CCM2: variants seen among roughly 807,000 people sequenced by gnomAD.
The protein encoded by CCM2 is cerebral cavernous malformations 2 protein.
In CCM2, 25 loss-of-function variants were observed where a neutral mutation model predicts 44.9. That is an observed-to-expected ratio of 0.56 (90% CI 0.41 to 0.78). CCM2 has a LOEUF of 0.78. Ranked by LOEUF, CCM2 falls within the 30% of genes least tolerant of loss-of-function variation. The pLI is 0.00. For missense variants in CCM2, 481 were observed against 580.6 expected, an observed-to-expected ratio of 0.83 and a Z score of 1.76; for synonymous variants, 219 against 241.1, an observed-to-expected ratio of 0.91 and a Z score of 0.85.
chr7:45,002,329 T>C (rs1290672277), intron 1 of CCM2, among the ~76,000 whole-genome samples: 2 of 152,214 alleles, frequency 1.3e-5, no homozygotes, highest in East Asian at 3.8e-4. Context: ...TCCAGCACTT[T>C]GGGAGGCCAA....
intron 2 of CCM2, among the ~76,000 whole-genome samples, chr7:45,044,146 C>A (rs913777860): frequency 6.6e-6 from 1 of 151,864 alleles, no homozygotes; most frequent in Non-Finnish European, 1.5e-5. Flanking sequence ...TGTTTTGTTT[C>A]GTTTTGGGAT....
chr7:45,018,068 A>T (rs1284294492), intron 1 of CCM2, among the ~76,000 whole-genome samples: 1 of 148,298 alleles, frequency 6.7e-6, no homozygotes, highest in African/African-American at 2.5e-5. Flanking sequence ...TGAAACTTCC[A>T]TATCAGATCA....
intron 8 of CCM2, chr7:45,074,048 A>G (rs1030413698): frequency 3.2e-5 from 29 of 907,468 alleles, no homozygotes; most frequent in Non-Finnish European, 4.4e-5. Flanking sequence ...CCAGCTCAGG[A>G]GAGTGGAGCT....
At chr7:45,008,401 G>A (rs1237283036) in intron 1 of CCM2, among the ~76,000 whole-genome samples, 2 of 122,172 alleles carry the variant, frequency 1.6e-5, no homozygotes, top group African/African-American at 6.8e-5. Flanking sequence ...TTTTGCTCTT[G>A]CCCAGGCTGG....
intron 2 of CCM2, among the ~76,000 whole-genome samples, chr7:45,058,416 C>G (rs1798364811): frequency 6.6e-6 from 1 of 151,394 alleles, no homozygotes; most frequent in Non-Finnish European, 1.5e-5. Flanking sequence ...TGTGCTGCAC[C>G]CATTAACTCA....
At chr7:45,054,260 T>C (rs1462225791) in intron 2 of CCM2, among the ~76,000 whole-genome samples, 3 of 151,978 alleles carry the variant, frequency 2.0e-5, no homozygotes, top group Admixed American at 1.3e-4. Flanking sequence ...GCAAGGAGTG[T>C]GTGGGGGGCT....
intron 1 of CCM2, among the ~76,000 whole-genome samples, chr7:45,013,135 A>C (rs945275069): frequency 6.6e-6 from 1 of 151,854 alleles, no homozygotes; most frequent in Non-Finnish European, 1.5e-5. Context: ...TAACTCCTCT[A>C]TATATTGCTA....
At chr7:45,038,545 A>G in intron 2 of CCM2, 119 bp downstream of exon 2, 4 of 1,010,946 alleles carry the variant, frequency 4.0e-6, no homozygotes, top group East Asian at 2.4e-5. Flanking sequence ...GTAGTTGATT[A>G]TCCCACCCAT....
At position 45,031,331 on chromosome 7, in the gene CCM2, G is replaced by A. The variant is rs552872326; in HGVS notation, c.31-6922G>A. ...CGGGAGGTGGAGGTTGCAGTGAGCC[G>A]AGATCACACCACTGTACTCCAGCCT... On this transcript the variant is annotated intron_variant, in intron 1 of 9. Coordinates refer to ENST00000258781, the MANE Select transcript of CCM2 (RefSeq NM_031443.4). Among the ~76,000 whole-genome samples the A allele has an allele frequency of 2.9e-4, 42 of 143,502 alleles. No individual in the cohort carries two copies. The South Asian group carries it at 8.5e-3, about 29-fold the overall frequency. 94.1% of individuals were successfully genotyped at this position (143,502 alleles called of 152,430 possible). A position where few individuals can be genotyped will look rare whatever the true frequency, so the allele number is the denominator to read the frequency against.
At chr7:45,007,689 A>T (rs1795900403) in intron 1 of CCM2, among the ~76,000 whole-genome samples, 1 of 152,120 alleles carries the variant, frequency 6.6e-6, no homozygotes, top group Non-Finnish European at 1.5e-5. Flanking sequence ...GGAACATGGA[A>T]TTTGGGCTTT....
chr7:45,075,969 CAG>C lies in CCM2; in HGVS notation c.1250_1251del (p.Glu417GlyfsTer3), dbSNP rs1562921605. The C allele has an allele frequency of 6.2e-7, 1 of 1,613,196 alleles. No individual in the cohort carries two copies. Among genetic ancestry groups the C allele is most frequent in the Non-Finnish European group, 8.5e-7 (1 of 1,180,028 alleles). ...AGCTCTGATGACCGGTCGGCACCCT[CAG>C]AGGGGGATGAGTGGGACCGCATGAT... On this transcript the variant is annotated frameshift_variant, in exon 10 of 10. Coordinates refer to ENST00000258781, the MANE Select transcript of CCM2 (RefSeq NM_031443.4). LOFTEE classifies it high-confidence loss of function.
chr7:45,025,540 T>G (rs1157520022), intron 1 of CCM2, among the ~76,000 whole-genome samples: 1 of 151,150 alleles, frequency 6.6e-6, no homozygotes, highest in Admixed American at 6.6e-5. Context: ...TTTTCTTTTT[T>G]TTTTTTTTTT....
chr7:45,050,307 C>T (rs754787663), intron 2 of CCM2, among the ~76,000 whole-genome samples: 42 of 152,156 alleles, frequency 2.8e-4, no homozygotes, highest in Non-Finnish European at 5.0e-4. Context: ...GATGTTCACT[C>T]AATGATGAAA....
chr7:45,010,654 A>G (rs765192998), intron 1 of CCM2, among the ~76,000 whole-genome samples: 2 of 151,992 alleles, frequency 1.3e-5, no homozygotes, highest in African/African-American at 2.4e-5. Flanking sequence ...CTGGAATGCA[A>G]TGGTGTGATC....
intron 1 of CCM2, among the ~76,000 whole-genome samples, chr7:45,015,810 C>T (rs546557058): frequency 6.7e-4 from 102 of 152,306 alleles, no homozygotes; most frequent in African/African-American, 1.9e-3. Context: ...ACATGCTTCC[C>T]GTCTTGTCCT....
intron 1 of CCM2, among the ~76,000 whole-genome samples, chr7:45,029,063 A>G (rs1796833511): frequency 6.6e-6 from 1 of 152,064 alleles, no homozygotes; most frequent in African/African-American, 2.4e-5. Context: ...CCAGGCACTG[A>G]GTTTGGTGCC....
chr7:45,057,635 T>C (rs578180000), intron 2 of CCM2, among the ~76,000 whole-genome samples: 2 of 152,284 alleles, frequency 1.3e-5, no homozygotes, highest in African/African-American at 4.8e-5. Flanking sequence ...AGGAAGAGGA[T>C]GGAAAGGCCT....
Position 45,074,113 on chromosome 7 carries a change from G to C in CCM2, c.916-157G>C, listed in dbSNP as rs993357488. ...CCCCGTGCCAGGTCTGGTAGGATGG[G>C]GACACATTGTGGTCATTCTGATGCC... On this transcript the variant is annotated intron_variant, in intron 8 of 9. Transcript: ENST00000258781. The C allele has an allele frequency of 2.0e-6, 3 of 1,480,362 alleles. No individual in the cohort carries two copies. The African/African-American group carries it at 4.1e-5, about 20-fold the overall frequency. 91.7% of individuals were successfully genotyped at this position (1,480,362 alleles called of 1,614,324 possible). A position where few individuals can be genotyped will look rare whatever the true frequency, so the allele number is the denominator to read the frequency against.
At chr7:45,022,290 CTTTTTTTTTTTTTTT>C (rs34095527) in intron 1 of CCM2, among the ~76,000 whole-genome samples, 5 of 45,452 alleles carry the variant, frequency 1.1e-4, no homozygotes, top group East Asian at 8.7e-4. Context: ...TTTGGACCAG[CTTTTTTTTTTTTTTT>C]TTTTTTTTTT....
Sources: gnomAD v4.1 joint callset for allele counts (sites outside exome capture counted in the v4.1 genomes callset) on GRCh38, gnomAD v4.1.1 for gene constraint, MANE v1.5 for transcripts, NCBI Gene and HGNC (gene_info 2026-07-23, HGNC 2026-07-21) for gene names.